RYR2: variants seen among roughly 807,000 people sequenced by gnomAD.
The protein encoded by RYR2 is cardiac muscle ryanodine receptor-calcium release channel.
RYR2 carries 227 observed loss-of-function variants against 601.1 expected under a neutral mutation model. That is an observed-to-expected ratio of 0.38 (90% confidence interval 0.34 to 0.42). RYR2 has a LOEUF of 0.42. RYR2 is among the 10% of genes least tolerant of loss of function. The pLI is 1.00. For missense variants in RYR2, 4,646 were observed against 6,156.5 expected, an observed-to-expected ratio of 0.75 and a Z score of 8.21; for synonymous variants, 2,223 against 2,175.1, an observed-to-expected ratio of 1.02 and a Z score of -0.61.
chr1:237,337,180 A>G (rs923481664), intron 3 of RYR2, among the ~76,000 whole-genome samples: 1 of 143,402 alleles, frequency 7.0e-6, no homozygotes, highest in African/African-American at 2.7e-5. Flanking sequence ...TGAACCCGGG[A>G]GGCGGATTTT....
At chr1:237,585,824 A>G (rs1674461321) in intron 29 of RYR2, among the ~76,000 whole-genome samples, 2 of 152,306 alleles carry the variant, frequency 1.3e-5, no homozygotes, top group African/African-American at 2.4e-5. Context: ...AATACCATCT[A>G]CTGGTATAAT....
intron 48 of RYR2, among the ~76,000 whole-genome samples, chr1:237,646,147 G>A (rs1682127123): frequency 6.6e-6 from 1 of 152,118 alleles, no homozygotes; most frequent in African/African-American, 2.4e-5. Context: ...AAAGTGCTGG[G>A]ATTACAGGTG....
chr1:237,669,407 G>T (rs1684647057), intron 58 of RYR2, among the ~76,000 whole-genome samples: 1 of 152,112 alleles, frequency 6.6e-6, no homozygotes, highest in Admixed American at 6.5e-5. Flanking sequence ...CTCCCAGACG[G>T]GGTGGTGGCC....
intron 27 of RYR2, among the ~76,000 whole-genome samples, chr1:237,552,822 A>G (rs563087699): frequency 1.9e-4 from 29 of 152,016 alleles, no homozygotes; most frequent in Admixed American, 3.3e-4. Context: ...TTAGGTGATT[A>G]TGAATAAGGC....
intron 5 of RYR2, among the ~76,000 whole-genome samples, chr1:237,367,375 A>G (rs1700282286): frequency 6.7e-6 from 1 of 149,452 alleles, no homozygotes; most frequent in Non-Finnish European, 1.5e-5. Context: ...TACAAGCGTG[A>G]GCCACTGCGT....
intron 16 of RYR2, among the ~76,000 whole-genome samples, chr1:237,465,115 C>A (rs1659926991): frequency 6.6e-6 from 1 of 151,796 alleles, no homozygotes; most frequent in Non-Finnish European, 1.5e-5. Context: ...CACACACACG[C>A]ATGCATGCAC....
Position 237,759,821 on chromosome 1 carries a change from C to T in RYR2, c.11371C>T (p.Gln3791Ter). ...LKEKKDVGFF[Q>*]SLAGLMQSCS... is the part of the protein sequence containing the mutation. ...GGAGAAAAAGGATGTGGGCTTCTTT[C>T]AGAGCCTGGCCGGCCTGATGCAGTC... The change falls in exon 83 of 105, where the codon CAG becomes TAG. Residue 3791 changes from glutamine (Q) to a stop codon, truncating the protein, a stop_gained. Coordinates refer to ENST00000366574, the MANE Select transcript of RYR2 (RefSeq NM_001035.3). LOFTEE classifies it high-confidence loss of function. 6.2e-7 allele frequency: 1 copy of T among 1,613,180 alleles called. No individual in the cohort carries two copies. The highest frequency in any genetic ancestry group is 8.5e-7 in the Non-Finnish European group (1 of 1,179,330).
At chr1:237,150,539 TGAAAA>T (rs1314459902) in intron 1 of RYR2, among the ~76,000 whole-genome samples, 5 of 152,012 alleles carry the variant, frequency 3.3e-5, no homozygotes, top group Non-Finnish European at 7.4e-5. Flanking sequence ...GATTGGCAGT[TGAAAA>T]GAACTGAAAA....
intron 78 of RYR2, 29 bp downstream of exon 78, chr1:237,732,178 T>C (rs1482679677): frequency 2.9e-6 from 4 of 1,378,954 alleles, no homozygotes; most frequent in Non-Finnish European, 3.1e-6. Context: ...CTATGAGACA[T>C]AGGAGGAGCA....
chr1:237,551,659 C>T (rs541143513), intron 27 of RYR2, among the ~76,000 whole-genome samples: 11 of 151,824 alleles, frequency 7.2e-5, no homozygotes, highest in Non-Finnish European at 1.5e-4. Context: ...TTGTGTGCTT[C>T]GTCACAGGGC....
At position 237,493,135 on chromosome 1, in the gene RYR2, A is replaced by T. The variant is rs746171614; in HGVS notation, c.1961+48A>T. On this transcript the variant is annotated intron_variant, in intron 19 of 104. Transcript: ENST00000366574. ...ACCTGACAGGTACCATAATAAAAGA[A>T]TTAATGTTCTTGCCCTGTAGCTGAT... 1.7e-5 allele frequency: 27 copies of T among 1,606,092 alleles called. No individual in the cohort carries two copies. In the Admixed American group the frequency reaches 4.5e-4, roughly 27 times the overall value.
intron 2 of RYR2, among the ~76,000 whole-genome samples, chr1:237,291,971 C>T (rs539898686): frequency 6.6e-6 from 1 of 152,248 alleles, no homozygotes; most frequent in South Asian, 2.1e-4. Flanking sequence ...AGCGGTGTCA[C>T]TTTGATGAAA....
In RYR2 at chr1:237,387,469, T is replaced by C. The variant is rs556645735; in HGVS notation, c.676+89T>C. On this transcript the variant is annotated intron_variant, in intron 9 of 104. Coordinates refer to ENST00000366574, the MANE Select transcript of RYR2 (RefSeq NM_001035.3). Reference sequence around the variant, plus strand: ...TTGTGATAATGAGCTGATTGTTAATTAGAGCTTTTTGTCTGTGTCTAAATA... The same window carrying C: ...TTGTGATAATGAGCTGATTGTTAATCAGAGCTTTTTGTCTGTGTCTAAATA... 1.4e-4 allele frequency: 159 copies of C among 1,163,152 alleles called. 1 individual carries two copies. In the African/African-American group the frequency reaches 2.3e-3, roughly 17 times the overall value. The allele number at this position is 1,163,152 out of a possible 1,614,324, so 72.1% of individuals were successfully genotyped here.
intron 47 of RYR2, among the ~76,000 whole-genome samples, chr1:237,641,463 GTCTGTCTGTCTTTCTTTCTTTCTTTCTT>G (rs1265992071): frequency 1.6e-4 from 9 of 55,176 alleles, no homozygotes; most frequent in Non-Finnish European, 4.7e-4. Flanking sequence ...ATAAATTAGT[GTCTGTCTGTCTTTCTTTCTTTCTTTCTT>G]TCTTTCTTTC....
At chr1:237,786,135 A>G (rs1485250131) in intron 91 of RYR2, 99 bp downstream of exon 91, 2 of 751,426 alleles carry the variant, frequency 2.7e-6, no homozygotes, top group Non-Finnish European at 4.4e-6. Context: ...AGAATCTCAT[A>G]TTGTCAAGGA....
chr1:237,184,497 C>CAG (rs1415062097), intron 1 of RYR2, among the ~76,000 whole-genome samples: 2 of 152,196 alleles, frequency 1.3e-5, no homozygotes, highest in Admixed American at 6.5e-5. Flanking sequence ...GTGTATTTTT[C>CAG]AGAGACTTAC....
chr1:237,394,397 A>G (rs1023491081), intron 10 of RYR2, among the ~76,000 whole-genome samples: 16 of 152,204 alleles, frequency 1.1e-4, no homozygotes, highest in African/African-American at 3.6e-4. Context: ...AGCAACTTGA[A>G]TAGAGCTATT....
intron 10 of RYR2, among the ~76,000 whole-genome samples, chr1:237,398,801 G>A (rs534434985): frequency 4.6e-5 from 7 of 152,334 alleles, no homozygotes; most frequent in African/African-American, 1.4e-4. Flanking sequence ...ACTTGGTGTA[G>A]AGCAACTTTA....
intron 25 of RYR2, among the ~76,000 whole-genome samples, chr1:237,532,734 C>T (rs563375641): frequency 3.9e-5 from 6 of 152,092 alleles, no homozygotes; most frequent in Admixed American, 6.5e-5. Context: ...AAATGCTATG[C>T]GTGAGTGTGT....
Sources: allele counts gnomAD v4.1 joint callset (sites outside exome capture counted in the v4.1 genomes callset), GRCh38; gene constraint gnomAD v4.1.1; transcripts MANE v1.5; gene names NCBI Gene and HGNC (gene_info 2026-07-23, HGNC 2026-07-21).